The following SGK3 variants were observed in gnomAD, a reference collection of about 807,000 sequenced individuals.
SGK3 encodes serum/glucocorticoid regulated kinase family member 3.
In SGK3, 47 loss-of-function variants were observed where a neutral mutation model predicts 68.5. That is an observed-to-expected ratio of 0.69 (90% CI 0.54 to 0.87). The LOEUF is 0.87. Ranked by LOEUF, SGK3 falls within the 40% of genes least tolerant of loss-of-function variation. The pLI is 0.00. For missense variants in SGK3, 479 were observed against 575.5 expected, an observed-to-expected ratio of 0.83 and a Z score of 1.72; for synonymous variants, 181 against 189.1, an observed-to-expected ratio of 0.96 and a Z score of 0.35.
At chr8:66,713,493 AT>A (rs1191807970) in intron 1 of SGK3, among the ~76,000 whole-genome samples, 5 of 152,238 alleles carry the variant, frequency 3.3e-5, no homozygotes, top group South Asian at 2.1e-4. Context: ...CATGAGTAGA[AT>A]TTCAGTCCTG....
intron 1 of SGK3, among the ~76,000 whole-genome samples, chr8:66,775,949 T>C (rs1806692339): frequency 6.6e-6 from 1 of 151,980 alleles, no homozygotes; most frequent in South Asian, 2.1e-4. Flanking sequence ...ATGGGGATAA[T>C]GATAGTTCTA....
At chr8:66,799,847 C>T (rs1807858358) in intron 3 of SGK3, among the ~76,000 whole-genome samples, 2 of 152,140 alleles carry the variant, frequency 1.3e-5, no homozygotes, top group Non-Finnish European at 2.9e-5. Flanking sequence ...TGGTCTCAAA[C>T]TCCTGGCCTC....
At chr8:66,836,113 G>A in intron 10 of SGK3, 39 bp downstream of exon 10, 1 of 1,573,078 alleles carries the variant, frequency 6.4e-7, no homozygotes, top group Non-Finnish European at 8.6e-7. Flanking sequence ...TAATAGTTTA[G>A]AAAAATAGCA....
intron 1 of SGK3, among the ~76,000 whole-genome samples, chr8:66,771,217 C>T (rs1465310666): frequency 6.6e-6 from 1 of 152,098 alleles, no homozygotes; most frequent in Non-Finnish European, 1.5e-5. Flanking sequence ...TGGTACAACC[C>T]ACTCTATAAA....
intron 16 of SGK3, among the ~76,000 whole-genome samples, chr8:66,853,765 T>A (rs1810392871): frequency 6.6e-6 from 1 of 152,216 alleles, no homozygotes; most frequent in Non-Finnish European, 1.5e-5. Context: ...CTAATAAGAA[T>A]TGGTTGCTTA....
chr8:66,838,987 A>C (rs1809656258), intron 10 of SGK3, among the ~76,000 whole-genome samples: 1 of 152,172 alleles, frequency 6.6e-6, no homozygotes, highest in South Asian at 2.1e-4. Context: ...CGATTTCCTG[A>C]GTCAAAATTG....
At chr8:66,758,591 G>GA (rs1397539027) in intron 1 of SGK3, among the ~76,000 whole-genome samples, 1 of 151,868 alleles carries the variant, frequency 6.6e-6, no homozygotes, top group Non-Finnish European at 1.5e-5. Flanking sequence ...TATGTAGTTG[G>GA]AAAAAAACAG....
intron 1 of SGK3, among the ~76,000 whole-genome samples, chr8:66,752,286 A>G (rs1805841145): frequency 1.3e-5 from 2 of 152,076 alleles, no homozygotes; most frequent in South Asian, 2.1e-4. Context: ...ATGGTGACCA[A>G]CCACCCTTGA....
rs188922534 is a variant in SGK3, at chr8:66,780,490, T to G, written c.-121-13126T>G. On this transcript the variant is annotated intron_variant, in intron 1 of 16. Transcript: ENST00000521198. ...GGATTAAGTTGGGGAGGGAGCACAT[T>G]AAGGTGGCCATGAAGTTTGTTGGAA... Among the ~76,000 whole-genome samples the G allele has an allele frequency of 4.4e-3, 671 of 152,144 alleles. 5 individuals carry two copies. The highest frequency in any genetic ancestry group is 0.015 in the African/African-American group (638 of 41,488).
At chr8:66,846,692 G>C (rs1461448379) in intron 14 of SGK3, among the ~76,000 whole-genome samples, 4 of 152,116 alleles carry the variant, frequency 2.6e-5, no homozygotes, top group Non-Finnish European at 5.9e-5. Context: ...CAAGTCTTTT[G>C]GCTGTTGCGG....
chr8:66,813,259 A>AAAAAAGAAAAATTTTT (rs1808451364), intron 4 of SGK3, among the ~76,000 whole-genome samples: 1 of 152,240 alleles, frequency 6.6e-6, no homozygotes. Flanking sequence ...ATCTCAGACG[A>AAAAAAGAAAAATTTTT]AAAAAGAAAA....
intron 1 of SGK3, among the ~76,000 whole-genome samples, chr8:66,740,636 G>C (rs1331541204): frequency 4.6e-5 from 7 of 152,240 alleles, no homozygotes; most frequent in Non-Finnish European, 1.0e-4. Flanking sequence ...GCCGGGCACA[G>C]TGGCTTACAC....
At chr8:66,758,000 C>T (rs1399955434) in intron 1 of SGK3, among the ~76,000 whole-genome samples, 5 of 141,296 alleles carry the variant, frequency 3.5e-5, no homozygotes, top group East Asian at 2.0e-4. Context: ...TATATATATA[C>T]ACACACACAC....
At chr8:66,748,247 A>G (rs952498570) in intron 1 of SGK3, among the ~76,000 whole-genome samples, 1 of 152,174 alleles carries the variant, frequency 6.6e-6, no homozygotes, top group East Asian at 1.9e-4. Context: ...TAGAAGATTT[A>G]ATTTGGAGAT....
chr8:66,772,629 C>T (rs538622067), intron 1 of SGK3, among the ~76,000 whole-genome samples: 6 of 149,930 alleles, frequency 4.0e-5, no homozygotes, highest in African/African-American at 7.4e-5. Flanking sequence ...GGTGCAATCT[C>T]GGCTCACTGC....
chr8:66,778,989 T>C (rs952666243), intron 1 of SGK3, among the ~76,000 whole-genome samples: 2 of 152,364 alleles, frequency 1.3e-5, no homozygotes, highest in Admixed American at 6.5e-5. Flanking sequence ...GCTTTGTTTC[T>C]ATACTGGATA....
At chr8:66,801,749 A>G (rs1381932606) in intron 3 of SGK3, among the ~76,000 whole-genome samples, 2 of 152,104 alleles carry the variant, frequency 1.3e-5, no homozygotes, top group Non-Finnish European at 2.9e-5. Context: ...TTCATAGGCT[A>G]GATTTACCTT....
intron 1 of SGK3, among the ~76,000 whole-genome samples, chr8:66,758,186 T>C (rs969307431): frequency 4.8e-4 from 73 of 151,968 alleles, no homozygotes; most frequent in Non-Finnish European, 1.0e-3. Context: ...AAACCCTGTC[T>C]CTACTAAAAA....
At chr8:66,766,710 A>G (rs1277658859) in intron 1 of SGK3, among the ~76,000 whole-genome samples, 1 of 152,042 alleles carries the variant, frequency 6.6e-6, no homozygotes, top group Non-Finnish European at 1.5e-5. Context: ...TATATTTTGA[A>G]GCTCTGTTAT....
Sources: gnomAD v4.1 joint callset for allele counts (sites outside exome capture counted in the v4.1 genomes callset) on GRCh38, gnomAD v4.1.1 for gene constraint, MANE v1.5 for transcripts, NCBI Gene and HGNC (gene_info 2026-07-23, HGNC 2026-07-21) for gene names.